Variants in RBFOX2 observed in about 807,000 individuals in gnomAD.
RBFOX2 encodes the protein RNA binding fox-1 homolog 2.
In RBFOX2, 10 loss-of-function variants were observed where a neutral mutation model predicts 49.1. The observed-to-expected ratio is 0.20, with a 90% CI of 0.13 to 0.35. The LOEUF is 0.35. RBFOX2 is among the 10% of genes least tolerant of loss of function. The pLI is 1.00. For missense variants in RBFOX2, 323 were observed against 486.9 expected (o/e 0.66, Z 3.17); for synonymous variants, 183 against 187.4 (o/e 0.98, Z 0.19).
At chr22:35,932,532 T>C (rs573957491) in intron 1 of RBFOX2, among the ~76,000 whole-genome samples, 19 of 152,344 alleles carry the variant, frequency 1.2e-4, no homozygotes, top group African/African-American at 4.6e-4. Flanking sequence ...AACAGAATTT[T>C]AGAAAATTGA....
intron 1 of RBFOX2, among the ~76,000 whole-genome samples, chr22:35,888,022 T>A (rs2046802965): frequency 6.6e-6 from 1 of 152,148 alleles, no homozygotes; most frequent in African/African-American, 2.4e-5. Flanking sequence ...CCAGTTTAGA[T>A]CCTATGGCCT....
At chr22:35,798,984 C>T (rs1033693369) in intron 2 of RBFOX2, among the ~76,000 whole-genome samples, 23 of 152,244 alleles carry the variant, frequency 1.5e-4, no homozygotes, top group Non-Finnish European at 2.5e-4. Context: ...TTTTTAATAG[C>T]GTATGTCTAA....
chr22:35,811,960 G>GAAA (rs778461703), intron 1 of RBFOX2, among the ~76,000 whole-genome samples: 5 of 110,722 alleles, frequency 4.5e-5, no homozygotes, highest in Admixed American at 1.0e-4. Flanking sequence ...TCTCTTAAGG[G>GAAA]AAAAAAAAAA....
At chr22:36,018,520 A>T (rs1050641059) in intron 1 of RBFOX2, among the ~76,000 whole-genome samples, 2 of 152,218 alleles carry the variant, frequency 1.3e-5, no homozygotes. Context: ...CGGAGCTTGA[A>T]AGTTACGCAG....
Position 35,848,631 on chromosome 22 carries a change from T to C in RBFOX2, c.-33-38627A>G, listed in dbSNP as rs964042982. 9.8e-5 allele frequency among the ~76,000 whole-genome samples: 15 copies of C among 152,340 alleles called. No individual in the cohort carries two copies. In the South Asian group the frequency reaches 3.1e-3, roughly 32 times the overall value. ...CCATTATTTCTTTTAACTCTATGCA[T>C]TCCGGTCCAACCTGCAACATAGGTG... On this transcript the variant is annotated intron_variant, in intron 1 of 13. Coordinates refer to the RBFOX2 transcript ENST00000359369.
At chr22:35,807,644 T>A (rs1440760694) in intron 2 of RBFOX2, among the ~76,000 whole-genome samples, 1 of 150,358 alleles carries the variant, frequency 6.7e-6, no homozygotes, top group Non-Finnish European at 1.5e-5. Flanking sequence ...AGGAAGAAAA[T>A]CTAAAATCAA....
chr22:35,939,069 T>C, upstream of RBFOX2: 2 of 709,230 alleles, frequency 2.8e-6, no homozygotes. Context: ...GCCTCTACAC[T>C]GGCAAAAACA....
rs560351670 is a variant in RBFOX2 at position 35,917,617 on chromosome 22, G to A, written c.-34+21230C>T. 1.2e-4 allele frequency among the ~76,000 whole-genome samples: 19 copies of A among 152,210 alleles called. 1 individual carries two copies. The South Asian group carries it at 3.5e-3, about 28-fold the overall frequency. Reference sequence around the variant, plus strand: ...AGCAAATAGACATGGGGCTCTCAAGGAATTATAATCACGTAGTCATGAAGA... The same window carrying A: ...AGCAAATAGACATGGGGCTCTCAAGAAATTATAATCACGTAGTCATGAAGA... On this transcript the variant is annotated intron_variant, in intron 1 of 13. Coordinates refer to the RBFOX2 transcript ENST00000359369.
intron 1 of RBFOX2, among the ~76,000 whole-genome samples, chr22:35,894,214 A>G (rs1311715789): frequency 6.6e-6 from 1 of 152,192 alleles, no homozygotes; most frequent in Non-Finnish European, 1.5e-5. Flanking sequence ...ATGTCTCATT[A>G]TTAATTACTA....
intron 2 of RBFOX2, among the ~76,000 whole-genome samples, chr22:35,797,564 A>T (rs1569153345): frequency 6.6e-6 from 1 of 152,186 alleles, no homozygotes; most frequent in Non-Finnish European, 1.5e-5. Context: ...TTTTCCTGTG[A>T]GTCTGTGACA....
chr22:36,011,087 A>G (rs2058805008), intron 1 of RBFOX2, among the ~76,000 whole-genome samples: 1 of 152,254 alleles, frequency 6.6e-6, no homozygotes, highest in Non-Finnish European at 1.5e-5. Flanking sequence ...TGTCATCATG[A>G]ATAAAACTCA....
chr22:35,823,356 A>C (rs998139497), intron 1 of RBFOX2, among the ~76,000 whole-genome samples: 1 of 152,218 alleles, frequency 6.6e-6, no homozygotes, highest in African/African-American at 2.4e-5. Context: ...GTATTCACCA[A>C]CAGGCATCTG....
chr22:35,897,589 AGATATC>A, intron 1 of RBFOX2: 1 of 987,046 alleles, frequency 1.0e-6, no homozygotes, highest in Non-Finnish European at 1.6e-6. Flanking sequence ...GTCAAAGAGG[AGATATC>A]GATTTGGCCC....
intron 1 of RBFOX2, among the ~76,000 whole-genome samples, chr22:35,863,130 C>T (rs1281559027): frequency 1.3e-5 from 2 of 151,930 alleles, no homozygotes; most frequent in Admixed American, 6.6e-5. Flanking sequence ...TAGCACAGGG[C>T]ATTTACGTTA....
intron 2 of RBFOX2, 150 bp from the exon 4 acceptor site, chr22:35,781,896 A>C: frequency 2.5e-6 from 2 of 806,630 alleles, no homozygotes. Context: ...AACAGCAGCA[A>C]CAACAAAACA....
intron 2 of RBFOX2, among the ~76,000 whole-genome samples, chr22:35,805,289 C>CAAAAAAAAAA (rs748086413): frequency 7.9e-5 from 3 of 37,906 alleles, no homozygotes; most frequent in Non-Finnish European, 1.8e-4. Flanking sequence ...GACTCCGTCT[C>CAAAAAAAAAA]AAAAAAAAAA....
At chr22:35,928,273 G>A (rs1569494898) in intron 1 of RBFOX2, among the ~76,000 whole-genome samples, 1 of 152,134 alleles carries the variant, frequency 6.6e-6, no homozygotes, top group South Asian at 2.1e-4. Flanking sequence ...GTGTCTGTCT[G>A]TCTGTCTGCA....
At chr22:35,826,409 T>C (rs181608465) in intron 1 of RBFOX2, among the ~76,000 whole-genome samples, 1 of 135,784 alleles carries the variant, frequency 7.4e-6, no homozygotes. Flanking sequence ...TAAGAAAAAA[T>C]AGAAAGCATA....
At chr22:35,880,935 G>A (rs574380735) in intron 1 of RBFOX2, among the ~76,000 whole-genome samples, 1 of 152,334 alleles carries the variant, frequency 6.6e-6, no homozygotes, top group Non-Finnish European at 1.5e-5. Context: ...AAATGTGATT[G>A]ATGGTTACTG....
Sources: gnomAD v4.1 joint callset for allele counts (sites outside exome capture counted in the v4.1 genomes callset) on GRCh38, gnomAD v4.1.1 for gene constraint, MANE v1.5 for transcripts, NCBI Gene and HGNC (gene_info 2026-07-23, HGNC 2026-07-21) for gene names.